The following LRRC74B variants were observed in gnomAD, a reference collection of about 807,000 sequenced individuals.
LRRC74B encodes the protein leucine rich repeat containing 74B.
Under a neutral mutation model 16.6 loss-of-function variants are expected in LRRC74B, and 30 were observed. That is an observed-to-expected ratio of 1.80 (90% CI 1.35 to 2.45). The LOEUF (loss-of-function observed/expected upper bound fraction) is 2.45. Among genes scored for constraint, LRRC74B ranks in the 30% most tolerant of loss-of-function variants. The pLI is 0.00. For synonymous variants in LRRC74B, 134 were observed against 86.0 expected, an observed-to-expected ratio of 1.56 and a Z score of -3.09; for missense variants, 326 against 202.4, an observed-to-expected ratio of 1.61 and a Z score of -3.71.
intron 6 of LRRC74B, among the ~76,000 whole-genome samples, 159 bp downstream of exon 6, chr22:21,053,634 A>C (rs1268720310): frequency 1.3e-5 from 2 of 152,162 alleles, no homozygotes; most frequent in African/African-American, 4.8e-5. Context: ...AATTTTATTT[A>C]TTTATTTAAA....
chr22:21,050,684 A>C (rs887422901), intron 4 of LRRC74B, among the ~76,000 whole-genome samples: 3 of 150,726 alleles, frequency 2.0e-5, no homozygotes, highest in Non-Finnish European at 4.4e-5. Context: ...AGGCTGAGGC[A>C]GGAGAATGGC....
At chr22:21,053,995 A>C (rs568028984) in intron 6 of LRRC74B, 1 of 152,396 alleles carries the variant, frequency 6.6e-6, no homozygotes, top group African/African-American at 2.4e-5. Flanking sequence ...AGCCTGGTGC[A>C]TGGTGGGTGC....
chr22:21,047,788 GA>G, intron 2 of LRRC74B, 95 bp from the exon 3 acceptor site: 1 of 675,810 alleles, frequency 1.5e-6, no homozygotes, highest in Non-Finnish European at 2.7e-6. Context: ...AAACAGGTGG[GA>G]AGGGGAGGGC....
chr22:21,047,379 GT>G lies in LRRC74B; in HGVS notation c.164del (p.Val55AlafsTer7), dbSNP rs1929539465. ...AGGCACCGATGGGCTTGGAGAACTGGTCAGGGACACACTGTACCTGAGGTCT... is the reference window on the plus strand; with the variant it reads ...AGGCACCGATGGGCTTGGAGAACTGGCAGGGACACACTGTACCTGAGGTCT... On this transcript the variant is annotated frameshift_variant, in exon 2 of 9. Coordinates refer to ENST00000442047, the Ensembl canonical transcript of LRRC74B. LOFTEE classifies it high-confidence loss of function. 1.4e-6 allele frequency: 1 copy of G among 717,260 alleles called. No individual in the cohort carries two copies. The highest frequency in any genetic ancestry group is 1.7e-5 in the African/African-American group (1 of 57,264). The allele number at this position is 717,260 out of a possible 1,614,324, so 44.4% of individuals were successfully genotyped here.
At chr22:21,062,025 T>C (rs182999694), downstream of LRRC74B, 4 of 152,272 alleles carry the variant, frequency 2.6e-5, no homozygotes, top group East Asian at 7.7e-4. Flanking sequence ...TAAAACTGTT[T>C]CGAAAAGAAG....
At chr22:21,054,002 G>T (rs375000739) in intron 6 of LRRC74B, 1 of 152,240 alleles carries the variant, frequency 6.6e-6, no homozygotes, top group East Asian at 1.9e-4. Context: ...TGCATGGTGG[G>T]TGCTCCATGC....
chr22:21,052,454 C>T (rs565096405), intron 5 of LRRC74B, 96 bp downstream of exon 5: 405 of 686,028 alleles, frequency 5.9e-4, no homozygotes, highest in Non-Finnish European at 9.7e-4. Context: ...CGGAAATGAA[C>T]CTTGGATCTT....
chr22:21,058,945 T>C (rs1026289806), intron 8 of LRRC74B, among the ~76,000 whole-genome samples: 1 of 152,190 alleles, frequency 6.6e-6, no homozygotes, highest in Non-Finnish European at 1.5e-5. Context: ...CAAAGAATCA[T>C]AAACGATCAA....
intron 7 of LRRC74B, among the ~76,000 whole-genome samples, chr22:21,055,506 G>C (rs1930449695): frequency 6.6e-6 from 1 of 152,160 alleles, no homozygotes. Context: ...CCACCCAGGT[G>C]TTCTGTTGGC....
chr22:21,059,061 T>G (rs933751949), intron 8 of LRRC74B, among the ~76,000 whole-genome samples: 4 of 152,200 alleles, frequency 2.6e-5, no homozygotes, highest in Non-Finnish European at 4.4e-5. Context: ...GAGACCACCC[T>G]GGCCAACATG....
At chr22:21,053,148 C>T (rs1930202678) in intron 5 of LRRC74B, among the ~76,000 whole-genome samples, 1 of 152,190 alleles carries the variant, frequency 6.6e-6, no homozygotes, top group Admixed American at 6.5e-5. Flanking sequence ...CTGTTGTGCT[C>T]TGGGCCACTG....
intron 8 of LRRC74B, among the ~76,000 whole-genome samples, chr22:21,059,300 A>T (rs1930697766): frequency 6.6e-6 from 1 of 152,250 alleles, no homozygotes; most frequent in Non-Finnish European, 1.5e-5. Flanking sequence ...AGGCAGGAGA[A>T]TCACCTCCAG....
In LRRC74B at chr22:21,057,189, C is replaced by G. The variant is rs1930585513; in HGVS notation, c.1012C>G (p.Leu338Val). Residue 338 changes from leucine (L) to valine (V), a missense_variant, in exon 8 of 9, where the codon CTG becomes GTG. Coordinates refer to ENST00000442047, the Ensembl canonical transcript of LRRC74B. ...CAATCCAGCCTCTGCCCTGGAACTG[C>G]TGGATTTCTCAGTAAGAGCATTTTA... 7.0e-6 allele frequency: 5 copies of G among 717,394 alleles called. No homozygotes were observed. The Admixed American group carries it at 1.0e-4, about 14-fold the overall frequency. 44.4% of individuals were successfully genotyped at this position (717,394 alleles called of 1,614,324 possible).
chr22:21,048,637 C>T (rs1201439209), intron 3 of LRRC74B: 1 of 391,640 alleles, frequency 2.6e-6, no homozygotes, highest in East Asian at 5.1e-5. Context: ...GTGAGGGCTT[C>T]TGAAGTGGGT....
intron 6 of LRRC74B, among the ~76,000 whole-genome samples, chr22:21,054,691 A>G (rs1930347277): frequency 6.6e-6 from 1 of 152,220 alleles, no homozygotes; most frequent in African/African-American, 2.4e-5. Context: ...CCGGAGACAA[A>G]GTGGTCCAGG....
chr22:21,059,529 C>T (rs1930711310), intron 8 of LRRC74B, among the ~76,000 whole-genome samples: 1 of 152,118 alleles, frequency 6.6e-6, no homozygotes, highest in Admixed American at 6.5e-5. Flanking sequence ...CCAATGCATT[C>T]CAGCCTGGGT....
At chr22:21,048,073 T>C in intron 3 of LRRC74B, 57 bp downstream of exon 3, 1 of 713,086 alleles carries the variant, frequency 1.4e-6, no homozygotes, top group Non-Finnish European at 2.6e-6. Context: ...CTCAGGGATG[T>C]GCCTCCATCG....
intron 5 of LRRC74B, 114 bp downstream of exon 5, chr22:21,052,472 C>T (rs1275014461): frequency 4.5e-6 from 3 of 667,368 alleles, no homozygotes; most frequent in Non-Finnish European, 8.2e-6. Flanking sequence ...CTTTTAAGCA[C>T]AGCTTAAAGA....
At chr22:21,052,163 G>A (rs770368098) in intron 4 of LRRC74B, 86 bp from the exon 5 acceptor site, 28 of 699,240 alleles carry the variant, frequency 4.0e-5, no homozygotes, top group Non-Finnish European at 6.4e-5. Context: ...CTGCCCAGCA[G>A]AGGCTCGGCA....
Sources: allele counts gnomAD v4.1 joint callset (sites outside exome capture counted in the v4.1 genomes callset), GRCh38; gene constraint gnomAD v4.1.1; transcripts MANE v1.5; gene names NCBI Gene and HGNC (gene_info 2026-07-23, HGNC 2026-07-21).